The following ITGA9 variants were observed in gnomAD, a reference collection of about 807,000 sequenced individuals.
The protein encoded by ITGA9 is integrin alpha-9.
Under a neutral mutation model 127.8 loss-of-function variants are expected in ITGA9, and 56 were observed. That is an observed-to-expected ratio of 0.44 (90% CI 0.35 to 0.55). The LOEUF (loss-of-function observed/expected upper bound fraction) is 0.55. Among genes scored for constraint, ITGA9 ranks in the 20% least tolerant of loss-of-function variants. The probability of loss-of-function intolerance (pLI) is 0.00; values close to 1 mark genes in which losing one functional copy is unlikely to be tolerated. For synonymous variants in ITGA9, 508 were observed against 514.5 expected (o/e 0.99, Z 0.17); for missense variants, 1,196 against 1,347.1 (o/e 0.89, Z 1.76).
chr3:37,664,420 C>CTTTT (rs35312679), intron 17 of ITGA9, among the ~76,000 whole-genome samples: 1 of 114,894 alleles, frequency 8.7e-6, no homozygotes, highest in Non-Finnish European at 1.7e-5. Context: ...TCAGCACATT[C>CTTTT]TTTTTTTTTT....
rs780254896 is a variant in ITGA9 at position 37,517,596 on chromosome 3, T to A, written c.1128T>A (p.Asn376Lys). 21 of 1,582,254 alleles carry A rather than the reference T, an allele frequency of 1.3e-5. No homozygotes were observed. The Admixed American group carries it at 2.1e-4, about 16-fold the overall frequency. ...ESIASLDDLD[N>K]DGFPDVAIGA... The stretch of plus-strand genomic sequence containing the variant: ...TTGCCAGCCTGGACGATCTGGACAA[T>A]GATGGGTTCCCAGGTGAGTGAGTGC... Residue 376 changes from asparagine to lysine, a missense_variant, in exon 10 of 28, where the codon AAT becomes AAA. Asn to Lys is a moderately conservative substitution (Grantham distance 94, BLOSUM62 0). Coordinates refer to ENST00000264741, the MANE Select transcript of ITGA9 (RefSeq NM_002207.3).
rs112063717 is a variant in ITGA9 at position 37,758,052 on chromosome 3, G to A, written c.2541+7483G>A. Among the ~76,000 whole-genome samples the A allele has an allele frequency of 3.3e-5, 5 of 151,628 alleles. No individual in the cohort carries two copies. The South Asian group carries it at 8.3e-4, about 25-fold the overall frequency. Reference sequence around the variant, plus strand: ...AAATTGCAAATTGAGGGCCGGGCGCGGTGGCTCACGCCTGTAATCCCAGCA... The same window carrying A: ...AAATTGCAAATTGAGGGCCGGGCGCAGTGGCTCACGCCTGTAATCCCAGCA... On this transcript the variant is annotated intron_variant, in intron 23 of 27. Coordinates refer to ENST00000264741, the MANE Select transcript of ITGA9 (RefSeq NM_002207.3).
intron 18 of ITGA9, among the ~76,000 whole-genome samples, chr3:37,685,188 G>A (rs1320252187): frequency 1.3e-5 from 2 of 152,204 alleles, no homozygotes; most frequent in Admixed American, 6.5e-5. Context: ...GGTCAACGGC[G>A]TTTGTTCAGG....
chr3:37,580,160 A>T (rs184967246), intron 15 of ITGA9, among the ~76,000 whole-genome samples: 17 of 152,304 alleles, frequency 1.1e-4, no homozygotes, highest in Admixed American at 3.9e-4. Context: ...AGAAATCTTT[A>T]TGAAAAATGC....
Position 37,819,749 on chromosome 3 carries a change from T to C in ITGA9, c.*760T>C, listed in dbSNP as rs1054897901. The C allele has an allele frequency of 2.0e-5, 3 of 152,210 alleles. No individual in the cohort carries two copies. Among genetic ancestry groups the C allele is most frequent in the African/African-American group, 7.3e-5 (3 of 41,366 alleles). The allele number at this position is 152,210 out of a possible 1,614,324, so 9.4% of individuals were successfully genotyped here. On this transcript the variant is annotated 3_prime_UTR_variant, in exon 28 of 28. Transcript: ENST00000264741. ...AAGTCTGCTCTGTATCACCTTTATA[T>C]AGCAGACATGTCACCCTGCTTCTAC...
chr3:37,744,120 G>C lies in ITGA9; in HGVS notation c.2433+86G>C, dbSNP rs1161493864. On this transcript the variant is annotated intron_variant, in intron 22 of 27. Transcript: ENST00000264741. ...CTCTCCTACAGAGGGCTAAGCTCTT[G>C]TCAGGAGAAACCCTTCTGTGGTTGG... 3 of 915,554 alleles carry C rather than the reference G, an allele frequency of 3.3e-6. No individual in the cohort carries two copies. In the Admixed American group the frequency reaches 5.2e-5, roughly 16 times the overall value. 56.7% of individuals were successfully genotyped at this position (915,554 alleles called of 1,614,324 possible). A position where few individuals can be genotyped will look rare whatever the true frequency, so the allele number is the denominator to read the frequency against.
intron 15 of ITGA9, among the ~76,000 whole-genome samples, chr3:37,626,206 AT>A (rs1211454243): frequency 1.3e-5 from 2 of 152,172 alleles, no homozygotes; most frequent in African/African-American, 2.4e-5. Flanking sequence ...TAAACAAGTA[AT>A]TTTTTAGGAT....
intron 27 of ITGA9, among the ~76,000 whole-genome samples, chr3:37,809,636 T>C (rs1270850255): frequency 1.3e-5 from 2 of 152,076 alleles, no homozygotes; most frequent in Non-Finnish European, 2.9e-5. Context: ...AATTTTTTTT[T>C]CTCAAAAGGC....
chr3:37,514,713 G>T (rs536014297), intron 9 of ITGA9, among the ~76,000 whole-genome samples: 1 of 152,296 alleles, frequency 6.6e-6, no homozygotes, highest in African/African-American at 2.4e-5. Flanking sequence ...GGGATTACAG[G>T]CACTTGCCAC....
intron 8 of ITGA9, among the ~76,000 whole-genome samples, chr3:37,513,499 A>G (rs1057123040): frequency 1.3e-5 from 2 of 152,066 alleles, no homozygotes; most frequent in Non-Finnish European, 1.5e-5. Flanking sequence ...GGTTTGTTAC[A>G]TATGTATACA....
intron 18 of ITGA9, among the ~76,000 whole-genome samples, chr3:37,702,980 G>A (rs1212745492): frequency 1.3e-5 from 2 of 151,936 alleles, no homozygotes; most frequent in Non-Finnish European, 2.9e-5. Context: ...TCTGCCTCCC[G>A]GAAGGTTCCA....
At chr3:37,477,522 C>G (rs1559515852) in intron 3 of ITGA9, among the ~76,000 whole-genome samples, 1 of 152,170 alleles carries the variant, frequency 6.6e-6, no homozygotes, top group Non-Finnish European at 1.5e-5. Flanking sequence ...GACACTGTTG[C>G]ACCTCCCAGG....
chr3:37,497,932 G>A (rs1176422662), intron 5 of ITGA9, among the ~76,000 whole-genome samples: 1 of 152,226 alleles, frequency 6.6e-6, no homozygotes, highest in Non-Finnish European at 1.5e-5. Context: ...GTAGGAGGCC[G>A]TGATGTGGTA....
intron 23 of ITGA9, 102 bp from the exon 24 acceptor site, chr3:37,777,290 G>A: frequency 7.6e-7 from 1 of 1,315,272 alleles, no homozygotes; most frequent in Non-Finnish European, 1.1e-6. Context: ...AGGAGGAAAG[G>A]TGAATTGGGG....
At chr3:37,695,525 G>A (rs1040155503) in intron 18 of ITGA9, among the ~76,000 whole-genome samples, 3 of 152,204 alleles carry the variant, frequency 2.0e-5, no homozygotes, top group Admixed American at 6.5e-5. Flanking sequence ...ACAGATGCCC[G>A]TGGAATTTAA....
chr3:37,562,810 G>T (rs1052701076), intron 15 of ITGA9, among the ~76,000 whole-genome samples: 2 of 152,152 alleles, frequency 1.3e-5, no homozygotes, highest in Non-Finnish European at 2.9e-5. Flanking sequence ...GAGAAATGTG[G>T]CATGTGGCAG....
At chr3:37,764,018 A>G (rs1696751200) in intron 23 of ITGA9, among the ~76,000 whole-genome samples, 1 of 152,186 alleles carries the variant, frequency 6.6e-6, no homozygotes, top group Non-Finnish European at 1.5e-5. Flanking sequence ...TCCCCAGTAC[A>G]CAGAACTGCT....
intron 18 of ITGA9, among the ~76,000 whole-genome samples, chr3:37,718,959 G>A (rs1444404636): frequency 6.6e-6 from 1 of 152,196 alleles, no homozygotes; most frequent in African/African-American, 2.4e-5. Context: ...TGCACAGCTG[G>A]GTGTGGCATC....
intron 1 of ITGA9, among the ~76,000 whole-genome samples, chr3:37,458,899 G>T (rs1698287707): frequency 6.6e-6 from 1 of 152,206 alleles, no homozygotes; most frequent in Non-Finnish European, 1.5e-5. Context: ...TCTGCTTTAC[G>T]CTGAGCCACC....
Sources: allele counts gnomAD v4.1 joint callset (sites outside exome capture counted in the v4.1 genomes callset), GRCh38; gene constraint gnomAD v4.1.1; transcripts MANE v1.5; gene names NCBI Gene and HGNC (gene_info 2026-07-23, HGNC 2026-07-21).